CD72: variants seen among roughly 807,000 people sequenced by gnomAD.
The protein encoded by CD72 is B-cell differentiation antigen CD72.
A neutral mutation model predicts 50.7 loss-of-function variants in CD72; 28 were observed. The observed-to-expected ratio is 0.55, with a 90% CI of 0.41 to 0.76. The LOEUF (loss-of-function observed/expected upper bound fraction) is 0.76, where lower values mean the gene tolerates loss of function less well. Ranked by LOEUF, CD72 falls within the 30% of genes least tolerant of loss-of-function variation. The probability of loss-of-function intolerance (pLI) is 0.00; values close to 1 mark genes in which losing one functional copy is unlikely to be tolerated. For missense variants in CD72, 403 were observed against 420.6 expected, an observed-to-expected ratio of 0.96 and a Z score of 0.37; for synonymous variants, 176 against 171.2, an observed-to-expected ratio of 1.03 and a Z score of -0.22.
chr9:35,634,589 G>C (rs1345002426), intron 1 of CD72, among the ~76,000 whole-genome samples: 7 of 152,182 alleles, frequency 4.6e-5, no homozygotes, highest in Admixed American at 2.0e-4. Context: ...CTGACCTCAG[G>C]TGATCCGCCC....
At chr9:35,620,197 A>G (rs916184896), upstream of CD72, among the ~76,000 whole-genome samples, 3 of 152,150 alleles carry the variant, frequency 2.0e-5, no homozygotes, top group Non-Finnish European at 4.4e-5. Flanking sequence ...TTCAGATCCA[A>G]TACACAGGTG....
chr9:35,646,794 G>A (rs1471383145), exon 1 of CD72: 2 of 152,314 alleles, frequency 1.3e-5, no homozygotes, highest in African/African-American at 4.8e-5. Flanking sequence ...CTGGGGTAGC[G>A]GCGGGGCCCT....
At chr9:35,614,417 T>C (rs1823037933) in intron 5 of CD72, among the ~76,000 whole-genome samples, 1 of 152,158 alleles carries the variant, frequency 6.6e-6, no homozygotes. Flanking sequence ...AAGATGAGGA[T>C]GGGCAAAAAT....
In CD72 at chr9:35,610,113, G is replaced by A. The variant is rs1324778724; in HGVS notation, c.*210C>T. ...TGGGGGGAGGCCAAAGTCCCTTCTA[G>A]AGGTGGCTTCACCCTTTTCCCAGGA... On this transcript the variant is annotated 3_prime_UTR_variant, in exon 9 of 9. Transcript: ENST00000259633. The A allele has an allele frequency of 8.4e-6, 2 of 236,850 alleles. No homozygotes were observed. Among genetic ancestry groups the A allele is most frequent in the Non-Finnish European group, 1.6e-5 (2 of 123,022 alleles). The allele number at this position is 236,850 out of a possible 1,614,324, so 14.7% of individuals were successfully genotyped here. A position where few individuals can be genotyped will look rare whatever the true frequency, so the allele number is the denominator to read the frequency against.
intron 1 of CD72, among the ~76,000 whole-genome samples, chr9:35,631,622 G>A (rs779250183): frequency 4.6e-5 from 7 of 152,128 alleles, no homozygotes; most frequent in Non-Finnish European, 8.8e-5. Flanking sequence ...GGCTGGGCGC[G>A]GTGGCTCACG....
intron 5 of CD72, among the ~76,000 whole-genome samples, chr9:35,615,283 C>G (rs1823047980): frequency 6.6e-6 from 1 of 152,130 alleles, no homozygotes; most frequent in Non-Finnish European, 1.5e-5. Context: ...TGATCATAGC[C>G]CAAAAACACC....
intron 1 of CD72, among the ~76,000 whole-genome samples, chr9:35,645,325 C>T (rs1434736578): frequency 6.6e-6 from 1 of 152,092 alleles, no homozygotes; most frequent in Non-Finnish European, 1.5e-5. Flanking sequence ...CTGGGCCAGG[C>T]GCTGTGGCTC....
intron 1 of CD72, among the ~76,000 whole-genome samples, chr9:35,633,707 A>G (rs1275456216): frequency 1.3e-5 from 2 of 152,136 alleles, no homozygotes; most frequent in African/African-American, 4.8e-5. Context: ...CCAGCCCGTA[A>G]CTTAAATTTC....
chr9:35,610,543 TGCTCTGAGTC>T, intron 8 of CD72, 49 bp downstream of exon 8: 1 of 1,250,626 alleles, frequency 8.0e-7, no homozygotes, highest in East Asian at 3.4e-5. Context: ...TCTGAGTCCC[TGCTCTGAGTC>T]CCTCTGCCCC....
intron 7 of CD72, among the ~76,000 whole-genome samples, chr9:35,611,473 C>G (rs1822983308): frequency 6.6e-6 from 1 of 152,134 alleles, no homozygotes; most frequent in Non-Finnish European, 1.5e-5. Flanking sequence ...GTTTGGGTGG[C>G]CTTCTCGAAG....
intron 5 of CD72, among the ~76,000 whole-genome samples, chr9:35,614,799 G>A (rs566245647): frequency 2.6e-5 from 4 of 152,254 alleles, no homozygotes; most frequent in African/African-American, 9.6e-5. Flanking sequence ...CCAGGAGTTC[G>A]ATACCGGCCA....
intron 1 of CD72, among the ~76,000 whole-genome samples, chr9:35,627,552 G>C (rs867932599): frequency 1.3e-5 from 2 of 152,118 alleles, no homozygotes; most frequent in Admixed American, 6.6e-5. Context: ...GGGATTCATG[G>C]GTGCCCCTTG....
chr9:35,630,505 T>C (rs1455772090), intron 1 of CD72, among the ~76,000 whole-genome samples: 2 of 152,268 alleles, frequency 1.3e-5, no homozygotes, highest in Non-Finnish European at 2.9e-5. Context: ...CCCAAAAGGA[T>C]ATGGTTAATT....
intron 1 of CD72, among the ~76,000 whole-genome samples, chr9:35,636,471 G>T (rs1450091793): frequency 6.6e-6 from 1 of 152,190 alleles, no homozygotes; most frequent in Admixed American, 6.5e-5. Flanking sequence ...AAAGTGGGAA[G>T]AAATGGAATA....
At chr9:35,625,791 A>G (rs150007816) in intron 1 of CD72, among the ~76,000 whole-genome samples, 7 of 152,300 alleles carry the variant, frequency 4.6e-5, no homozygotes, top group Admixed American at 2.6e-4. Flanking sequence ...TGGTAAATCT[A>G]TCCTTCCCGT....
At chr9:35,620,797 G>A (rs1823141052), upstream of CD72, among the ~76,000 whole-genome samples, 1 of 152,262 alleles carries the variant, frequency 6.6e-6, no homozygotes, top group Admixed American at 6.5e-5. Flanking sequence ...CTGGGCCACA[G>A]AGTGAGACTC....
chr9:35,637,255 T>G (rs1406436650), intron 1 of CD72, among the ~76,000 whole-genome samples: 1 of 152,234 alleles, frequency 6.6e-6, no homozygotes, highest in African/African-American at 2.4e-5. Context: ...CTATTCGGAC[T>G]CAGCCCGCCT....
Position 35,618,076 on chromosome 9 carries a change from T to C in CD72, c.128A>G (p.Gln43Arg), listed in dbSNP as rs1823096291. 1 of 1,613,948 alleles carries C rather than the reference T, an allele frequency of 6.2e-7. No individual in the cohort carries two copies. Among genetic ancestry groups the C allele is most frequent in the Admixed American group, 1.7e-5 (1 of 59,996 alleles). ...DDGEITYENVQVPAVLGVPSS... is the reference protein window; with the variant it reads ...DDGEITYENVRVPAVLGVPSS... ...GGGCACCCCTAGGACTGCGGGCACT[T>C]GAACATTCTCGTAGGTGATTTCCCC... The change falls in exon 2 of 9, where the codon CAA becomes CGA. Residue 43 changes from glutamine (Q) to arginine (R), a missense_variant. By Grantham distance (43) the Gln-to-Arg change is conservative. Coordinates refer to ENST00000259633, the MANE Select transcript of CD72 (RefSeq NM_001782.3).
At chr9:35,621,817 G>C (rs764176199), upstream of CD72, among the ~76,000 whole-genome samples, 2 of 152,178 alleles carry the variant, frequency 1.3e-5, no homozygotes, top group Non-Finnish European at 2.9e-5. Context: ...TTGAGCCAAG[G>C]AATGCAAGAA....
Sources: gnomAD v4.1 joint callset for allele counts (sites outside exome capture counted in the v4.1 genomes callset) on GRCh38, gnomAD v4.1.1 for gene constraint, MANE v1.5 for transcripts, NCBI Gene and HGNC (gene_info 2026-07-23, HGNC 2026-07-21) for gene names.